The following ELOVL6 variants were observed in gnomAD, a reference collection of about 807,000 sequenced individuals.
ELOVL6 encodes the protein very long chain fatty acid elongase 6.
Under a neutral mutation model 31.7 loss-of-function variants are expected in ELOVL6, and 8 were observed. The observed-to-expected ratio is 0.25, with a 90% CI of 0.15 to 0.45. The LOEUF is 0.45. Among genes scored for constraint, ELOVL6 ranks in the 20% least tolerant of loss-of-function variants. ELOVL6 has a pLI of 1.00. For missense variants in ELOVL6, 126 were observed against 326.4 expected (o/e 0.39, Z 4.73); for synonymous variants, 101 against 117.7 (o/e 0.86, Z 0.92).
At chr4:110,100,105 G>A (rs1756699254) in intron 2 of ELOVL6, among the ~76,000 whole-genome samples, 1 of 152,196 alleles carries the variant, frequency 6.6e-6, no homozygotes. Flanking sequence ...TAGGTGGGAT[G>A]TAGGTGGAAG....
chr4:110,198,865 T>A (rs1759906566), upstream of ELOVL6: 1 of 152,546 alleles, frequency 6.6e-6, no homozygotes. Context: ...TTGCTTTGAA[T>A]GAAGTTTCAG....
chr4:110,119,030 C>T (rs375964879), intron 1 of ELOVL6, among the ~76,000 whole-genome samples: 91 of 152,140 alleles, frequency 6.0e-4, no homozygotes, highest in African/African-American at 2.0e-3. Context: ...TGCCACTGCC[C>T]TCCAGCCTGG....
intron 1 of ELOVL6, among the ~76,000 whole-genome samples, chr4:110,190,871 T>C (rs1006651140): frequency 2.6e-5 from 4 of 151,878 alleles, no homozygotes; most frequent in African/African-American, 7.3e-5. Context: ...CCAAGCTGCA[T>C]TGCAGTGGCA....
intron 1 of ELOVL6, among the ~76,000 whole-genome samples, chr4:110,116,021 C>T (rs1244035305): frequency 1.3e-5 from 2 of 152,148 alleles, no homozygotes; most frequent in Admixed American, 1.3e-4. Flanking sequence ...CCCCCAACTC[C>T]CTGTTAAGAA....
chr4:110,153,049 G>C (rs1248610921), intron 1 of ELOVL6, among the ~76,000 whole-genome samples: 2 of 152,104 alleles, frequency 1.3e-5, no homozygotes, highest in African/African-American at 4.8e-5. Flanking sequence ...ATGTGCCTTT[G>C]GGTATGGTTT....
chr4:110,185,948 T>G (rs1317000043), intron 1 of ELOVL6, among the ~76,000 whole-genome samples: 5 of 152,244 alleles, frequency 3.3e-5, no homozygotes, highest in African/African-American at 9.6e-5. Flanking sequence ...TCCCAGCACT[T>G]TGGGAGGCCG....
intron 1 of ELOVL6, among the ~76,000 whole-genome samples, chr4:110,193,148 A>G (rs1356839340): frequency 6.6e-6 from 1 of 152,238 alleles, no homozygotes; most frequent in Non-Finnish European, 1.5e-5. Flanking sequence ...GCATTTGAAC[A>G]GTTTCATTAA....
intron 1 of ELOVL6, among the ~76,000 whole-genome samples, chr4:110,111,596 C>T (rs937942035): frequency 6.6e-6 from 1 of 152,072 alleles, no homozygotes; most frequent in Non-Finnish European, 1.5e-5. Flanking sequence ...TACATGGTAA[C>T]ACATGGTTAT....
chr4:110,055,375 T>G (rs576314224), intron 3 of ELOVL6, among the ~76,000 whole-genome samples: 1 of 152,186 alleles, frequency 6.6e-6, no homozygotes, highest in South Asian at 2.1e-4. Context: ...GGGAAGGACA[T>G]TGGCCAAGTA....
At chr4:110,074,593 C>T (rs1666294646) in intron 2 of ELOVL6, among the ~76,000 whole-genome samples, 1 of 152,076 alleles carries the variant, frequency 6.6e-6, no homozygotes, top group Admixed American at 6.5e-5. Context: ...TGATAGGAAT[C>T]ACATTTGTTG....
intron 1 of ELOVL6, among the ~76,000 whole-genome samples, chr4:110,153,854 T>C (rs1411858604): frequency 6.6e-6 from 1 of 152,234 alleles, no homozygotes; most frequent in African/African-American, 2.4e-5. Context: ...TTTCTTACTT[T>C]GTAGTTTCTA....
chr4:110,067,625 C>T (rs1285811295), intron 2 of ELOVL6, among the ~76,000 whole-genome samples: 2 of 152,112 alleles, frequency 1.3e-5, no homozygotes, highest in Non-Finnish European at 2.9e-5. Context: ...TTACAATGAA[C>T]ACAATACAGC....
At position 110,049,580 on chromosome 4, in the gene ELOVL6, A is replaced by G. The variant is rs779737267; in HGVS notation, c.*1758T>C. The G allele has an allele frequency of 6.6e-6, 1 of 152,342 alleles. No homozygotes were observed. The highest frequency in any genetic ancestry group is 1.5e-5 in the Non-Finnish European group (1 of 68,006). The allele number at this position is 152,342 out of a possible 1,614,324, so 9.4% of individuals were successfully genotyped here. A position where few individuals can be genotyped will look rare whatever the true frequency, so the allele number is the denominator to read the frequency against. On this transcript the variant is annotated 3_prime_UTR_variant, in exon 4 of 4. Transcript: ENST00000302274. The stretch of plus-strand genomic sequence containing the variant: ...ACTCTCAAAGCAAGAAAGAGAAACA[A>G]CAGTTTTGTTTTGTTTTTTTCTGCT...
At chr4:110,184,539 C>T (rs1759385011) in intron 1 of ELOVL6, among the ~76,000 whole-genome samples, 1 of 152,088 alleles carries the variant, frequency 6.6e-6, no homozygotes, top group Non-Finnish European at 1.5e-5. Context: ...CAACGGGAAA[C>T]CACTGAAGGT....
intron 2 of ELOVL6, among the ~76,000 whole-genome samples, chr4:110,069,541 C>A (rs1282236521): frequency 5.3e-5 from 8 of 152,028 alleles, no homozygotes; most frequent in African/African-American, 1.7e-4. Flanking sequence ...CTTGATTGAG[C>A]CCCTAGATTA....
chr4:110,102,833 T>C (rs542215118), intron 2 of ELOVL6, among the ~76,000 whole-genome samples: 241 of 151,686 alleles, frequency 1.6e-3, no homozygotes, highest in African/African-American at 5.5e-3. Flanking sequence ...ACCATAGGAA[T>C]TAGGGCTCTG....
chr4:110,174,982 A>T (rs1042448700), intron 1 of ELOVL6, among the ~76,000 whole-genome samples: 51 of 152,076 alleles, frequency 3.4e-4, no homozygotes, highest in Non-Finnish European at 1.3e-4. Flanking sequence ...TAATCTAAGA[A>T]TGTGTAAATT....
intron 1 of ELOVL6, among the ~76,000 whole-genome samples, chr4:110,174,049 A>G (rs1361445421): frequency 6.6e-6 from 1 of 152,112 alleles, no homozygotes; most frequent in African/African-American, 2.4e-5. Context: ...AAAAAATAGC[A>G]TGACTTTCAA....
At chr4:110,058,509 G>A (rs558304272) in intron 3 of ELOVL6, among the ~76,000 whole-genome samples, 12 of 152,204 alleles carry the variant, frequency 7.9e-5, no homozygotes, top group Non-Finnish European at 1.5e-4. Flanking sequence ...TGGGTTGCCG[G>A]CCCACACAAA....
Sources: allele counts gnomAD v4.1 joint callset (sites outside exome capture counted in the v4.1 genomes callset), GRCh38; gene constraint gnomAD v4.1.1; transcripts MANE v1.5; gene names NCBI Gene and HGNC (gene_info 2026-07-23, HGNC 2026-07-21).